Variants in LPAR1 observed in about 807,000 individuals in gnomAD.
The protein encoded by LPAR1 is lysophosphatidic acid receptor 1.
Under a neutral mutation model 23.8 loss-of-function variants are expected in LPAR1, and 5 were observed. The observed-to-expected ratio is 0.21, with a 90% CI of 0.11 to 0.44. The LOEUF is 0.44. Ranked by LOEUF, LPAR1 falls within the 20% of genes least tolerant of loss-of-function variation. The pLI is 0.99. For missense variants in LPAR1, 311 were observed against 482.8 expected (o/e 0.64, Z 3.33); for synonymous variants, 160 against 164.7 (o/e 0.97, Z 0.22).
chr9:110,938,895 G>T (rs2136050678), intron 5 of LPAR1, among the ~76,000 whole-genome samples: 1 of 151,966 alleles, frequency 6.6e-6, no homozygotes, highest in South Asian at 2.1e-4. Flanking sequence ...AAAAAGAATG[G>T]GTATAAATAT....
At chr9:111,013,046 T>C (rs2097364968) in intron 2 of LPAR1, among the ~76,000 whole-genome samples, 1 of 152,200 alleles carries the variant, frequency 6.6e-6, no homozygotes, top group Non-Finnish European at 1.5e-5. Flanking sequence ...TGAAAATCGC[T>C]GATATCTGCA....
At chr9:110,916,561 C>T (rs2093122030) in intron 5 of LPAR1, among the ~76,000 whole-genome samples, 1 of 151,654 alleles carries the variant, frequency 6.6e-6, no homozygotes, top group Admixed American at 6.6e-5. Context: ...GTGACTCAGA[C>T]CCAGGTGGCC....
At chr9:110,995,056 C>T (rs896926849) in intron 2 of LPAR1, among the ~76,000 whole-genome samples, 5 of 152,118 alleles carry the variant, frequency 3.3e-5, no homozygotes, top group African/African-American at 1.2e-4. Flanking sequence ...GGCAGATGCT[C>T]CAGCAATGTG....
rs1243520805 is a variant in LPAR1 at position 110,973,476 on chromosome 9, G to C, written c.-104+5C>G. On this transcript the variant is annotated splice_donor_5th_base_variant and intron_variant, in intron 3 of 5. Transcript: ENST00000683809. Reference sequence around the variant, plus strand: ...CGCTTTTAAGACTAAAGAAAGGCAAGATACCTGATGCTGTAGGTGTCAGTC... The same window carrying C: ...CGCTTTTAAGACTAAAGAAAGGCAACATACCTGATGCTGTAGGTGTCAGTC... The C allele has an allele frequency of 6.6e-6, 1 of 152,240 alleles. No individual in the cohort carries two copies. The highest frequency in any genetic ancestry group is 1.9e-4 in the East Asian group (1 of 5,200). The allele number at this position is 152,240 out of a possible 1,614,324, so 9.4% of individuals were successfully genotyped here.
chr9:110,981,633 A>G (rs1415941187), intron 2 of LPAR1, among the ~76,000 whole-genome samples: 1 of 152,108 alleles, frequency 6.6e-6, no homozygotes, highest in Non-Finnish European at 1.5e-5. Context: ...ATTTAAAACT[A>G]CAAAAGACAG....
At chr9:111,034,128 TA>T (rs2097850716) in intron 2 of LPAR1, among the ~76,000 whole-genome samples, 1 of 152,212 alleles carries the variant, frequency 6.6e-6, no homozygotes, top group African/African-American at 2.4e-5. Flanking sequence ...AAGTTAAACT[TA>T]AAGAATTCTC....
intron 5 of LPAR1, among the ~76,000 whole-genome samples, chr9:110,883,302 C>G (rs1419321594): frequency 6.6e-6 from 1 of 152,106 alleles, no homozygotes; most frequent in African/African-American, 2.4e-5. Context: ...TCCCAAAGTG[C>G]TAAGAATATA....
At chr9:110,960,499 T>G (rs544805441) in intron 4 of LPAR1, among the ~76,000 whole-genome samples, 1 of 152,320 alleles carries the variant, frequency 6.6e-6, no homozygotes, top group South Asian at 2.1e-4. Context: ...CAACTTTATC[T>G]GTAATTACTG....
At chr9:110,895,484 G>A (rs1466903191) in intron 5 of LPAR1, among the ~76,000 whole-genome samples, 4 of 152,216 alleles carry the variant, frequency 2.6e-5, no homozygotes, top group African/African-American at 4.8e-5. Context: ...CTTCTTAGCC[G>A]GGAAACTAGG....
chr9:110,980,492 AC>A (rs2096644532), intron 2 of LPAR1, among the ~76,000 whole-genome samples: 1 of 151,942 alleles, frequency 6.6e-6, no homozygotes, highest in African/African-American at 2.4e-5. Flanking sequence ...AGCCTGGAGG[AC>A]TGCATGTTAA....
At chr9:110,897,984 GT>G (rs1218176088) in intron 5 of LPAR1, among the ~76,000 whole-genome samples, 2 of 152,132 alleles carry the variant, frequency 1.3e-5, no homozygotes, top group Admixed American at 6.5e-5. Context: ...AGCAAAAACA[GT>G]GAGCTCAAGA....
intron 5 of LPAR1, among the ~76,000 whole-genome samples, chr9:110,879,654 C>G (rs372419345): frequency 6.6e-6 from 1 of 152,292 alleles, no homozygotes; most frequent in East Asian, 1.9e-4. Flanking sequence ...GGATTGTAAT[C>G]TCATTGGCCT....
chr9:110,909,789 T>C (rs2092123561), intron 5 of LPAR1, among the ~76,000 whole-genome samples: 1 of 151,794 alleles, frequency 6.6e-6, no homozygotes, highest in Non-Finnish European at 1.5e-5. Context: ...TCTGTTGCCC[T>C]GACTAGAGTG....
intron 1 of LPAR1, among the ~76,000 whole-genome samples, chr9:111,037,549 C>CCCTTG (rs1368947807): frequency 6.6e-6 from 1 of 152,242 alleles, no homozygotes; most frequent in African/African-American, 2.4e-5. Context: ...AAAGCCAGGT[C>CCCTTG]CCTCCCTTGC....
chr9:110,988,464 G>A (rs1332183245), intron 2 of LPAR1, among the ~76,000 whole-genome samples: 3 of 152,070 alleles, frequency 2.0e-5, no homozygotes, highest in African/African-American at 7.2e-5. Flanking sequence ...CAATAATGAA[G>A]AGACAAGCTA....
At chr9:110,875,823 A>C in intron 5 of LPAR1, 101 bp from the exon 6 acceptor site, 1 of 589,048 alleles carries the variant, frequency 1.7e-6, no homozygotes, top group Non-Finnish European at 2.7e-6. Context: ...AGTTCAATAT[A>C]AAAATACTGA....
intron 5 of LPAR1, among the ~76,000 whole-genome samples, chr9:110,902,484 G>A (rs529309098): frequency 1.3e-5 from 2 of 152,046 alleles, no homozygotes; most frequent in East Asian, 1.9e-4. Context: ...GAAGAAGGAC[G>A]TGTTTGCTTC....
At chr9:110,927,112 T>C (rs1444292159) in intron 5 of LPAR1, among the ~76,000 whole-genome samples, 2 of 152,208 alleles carry the variant, frequency 1.3e-5, no homozygotes, top group African/African-American at 4.8e-5. Context: ...ATAAAGAAGT[T>C]GTCGTAAAGG....
intron 2 of LPAR1, among the ~76,000 whole-genome samples, chr9:110,999,115 T>C (rs1483868686): frequency 6.6e-6 from 1 of 152,184 alleles, no homozygotes; most frequent in Non-Finnish European, 1.5e-5. Context: ...ATCCCGCACA[T>C]GGTCATAAAG....
Sources: allele counts gnomAD v4.1 joint callset (sites outside exome capture counted in the v4.1 genomes callset), GRCh38; gene constraint gnomAD v4.1.1; transcripts MANE v1.5; gene names NCBI Gene and HGNC (gene_info 2026-07-23, HGNC 2026-07-21).